Variants in DENND2A observed in about 807,000 individuals in gnomAD.
DENND2A encodes DENN domain containing 2A, also known as DENN domain-containing protein 2A.
DENND2A carries 53 observed loss-of-function variants against 105.3 expected under a neutral mutation model. The ratio of observed to expected loss-of-function variants is 0.50; its 90% CI spans 0.40 to 0.63. DENND2A has a LOEUF of 0.63. DENND2A is among the 30% of genes least tolerant of loss of function. The pLI, the probability that DENND2A is intolerant of heterozygous loss-of-function variation, is 0.00. For synonymous variants in DENND2A, 522 were observed against 508.4 expected (o/e 1.03, Z -0.36); for missense variants, 1,138 against 1,279.6 (o/e 0.89, Z 1.69).
chr7:140,538,640 G>A (rs1286872050), intron 14 of DENND2A, among the ~76,000 whole-genome samples: 3 of 151,874 alleles, frequency 2.0e-5, no homozygotes, highest in Non-Finnish European at 4.4e-5. Flanking sequence ...CTAAGTAGCT[G>A]GGATTACAGG....
intron 16 of DENND2A, among the ~76,000 whole-genome samples, chr7:140,524,156 C>G (rs1795961437): frequency 1.3e-5 from 2 of 152,122 alleles, no homozygotes; most frequent in South Asian, 4.1e-4. Context: ...GAAGGGCCTA[C>G]CCTGTGGGCC....
intron 11 of DENND2A, among the ~76,000 whole-genome samples, chr7:140,556,932 G>A (rs1215123392): frequency 6.6e-6 from 1 of 151,962 alleles, no homozygotes; most frequent in Non-Finnish European, 1.5e-5. Context: ...ATAAGTTTCT[G>A]ACTTTGAAAG....
At chr7:140,537,408 T>G (rs1796489037) in intron 14 of DENND2A, among the ~76,000 whole-genome samples, 1 of 152,346 alleles carries the variant, frequency 6.6e-6, no homozygotes, top group African/African-American at 2.4e-5. Context: ...TAGCTTATGG[T>G]TTAACGCACT....
At position 140,572,500 on chromosome 7, in the gene DENND2A, T is replaced by G. The variant is rs1798132934; in HGVS notation, c.1446+1308A>C. Among the ~76,000 whole-genome samples, 3 of 151,352 alleles carry G rather than the reference T, an allele frequency of 2.0e-5. No individual in the cohort carries two copies. In the South Asian group the frequency reaches 6.4e-4, roughly 32 times the overall value. On this transcript the variant is annotated intron_variant, in intron 6 of 19. Transcript: ENST00000496613. ...GTTCCTGGCTGGGCACGGTGGCTCA[T>G]GCCTGTAATCCCAGCACTTTGGGAG...
chr7:140,555,279 G>A lies in DENND2A; in HGVS notation c.2037+357C>T, dbSNP rs1401089053. ...TTCCTGAGTAGCTGGGGTTACAGGCGCCCGCCACCACGCCTGGCTAATTTT... is the reference window on the plus strand; with the variant it reads ...TTCCTGAGTAGCTGGGGTTACAGGCACCCGCCACCACGCCTGGCTAATTTT... On this transcript the variant is annotated intron_variant, in intron 12 of 19. Coordinates refer to ENST00000496613, the MANE Select transcript of DENND2A (RefSeq NM_015689.5). Among the ~76,000 whole-genome samples, 4 of 151,914 alleles carry A rather than the reference G, an allele frequency of 2.6e-5. No individual in the cohort carries two copies. The South Asian group carries it at 8.3e-4, about 32-fold the overall frequency.
chr7:140,624,455 G>A (rs1800429354), intron 1 of DENND2A, among the ~76,000 whole-genome samples: 1 of 152,206 alleles, frequency 6.6e-6, no homozygotes, highest in Non-Finnish European at 1.5e-5. Context: ...GGGAACAGGT[G>A]GGACGCCAGG....
rs764923867 is a variant in DENND2A at position 140,569,768 on chromosome 7, T to G, written c.1447-30A>C. The stretch of plus-strand genomic sequence containing the variant: ...CAGACACCAGGAGAAGAACAGCCAG[T>G]GTTAGCAGCCCACTCTCTGTGGCAG... On this transcript the variant is annotated intron_variant, in intron 6 of 19. Transcript: ENST00000496613. 5.6e-5 allele frequency: 83 copies of G among 1,491,722 alleles called. 1 individual carries two copies. The highest frequency in any genetic ancestry group is 3.5e-4 in the Middle Eastern group (2 of 5,716). The allele number at this position is 1,491,722 out of a possible 1,614,324, so 92.4% of individuals were successfully genotyped here.
At position 140,519,340 on chromosome 7, in the gene DENND2A, C is replaced by A. The variant is rs939666866; in HGVS notation, c.2998+292G>T. 3.9e-5 allele frequency among the ~76,000 whole-genome samples: 6 copies of A among 152,340 alleles called. 1 individual carries two copies. The South Asian group carries it at 1.0e-3, about 26-fold the overall frequency. ...ACGTCCTTGTCTGGTTCCCGCCATGCTCCCTCAGCTCAGTTCCTCTGAGAT... is the reference window on the plus strand; with the variant it reads ...ACGTCCTTGTCTGGTTCCCGCCATGATCCCTCAGCTCAGTTCCTCTGAGAT... On this transcript the variant is annotated intron_variant, in intron 19 of 19. Coordinates refer to ENST00000496613, the MANE Select transcript of DENND2A (RefSeq NM_015689.5).
At position 140,640,727 on chromosome 7, in the gene DENND2A, CCCCAGCGGCGCGCTTCCCTCGGCCGG is replaced by C. The variant is rs1419563491; in HGVS notation, c.-497_-472del. On this transcript the variant is annotated 5_prime_UTR_variant, in exon 1 of 20. Coordinates refer to ENST00000496613, the MANE Select transcript of DENND2A (RefSeq NM_015689.5). This position sits in a 1 kb window ranked among gnomAD's most constrained non-coding sequence, Gnocchi z 4.9. ...CCCGTGGGGTCCCCGCCGCCCCCGG[CCCCAGCGGCGCGCTTCCCTCGGCCGG>C]CCCAGCGCAGGCTCGCCCGCGGCCC... 3 of 146,070 alleles carry C rather than the reference CCCCAGCGGCGCGCTTCCCTCGGCCGG, an allele frequency of 2.1e-5. No individual in the cohort carries two copies. Among genetic ancestry groups the C allele is most frequent in the Non-Finnish European group, 4.5e-5 (3 of 66,244 alleles). 9.0% of individuals were successfully genotyped at this position (146,070 alleles called of 1,614,324 possible).
upstream of DENND2A, among the ~76,000 whole-genome samples, chr7:140,640,993 G>T (rs1801183822): frequency 6.7e-6 from 1 of 149,666 alleles, no homozygotes; most frequent in Admixed American, 6.6e-5. The surrounding 1 kb of genome is among the most constrained non-coding windows in gnomAD (Gnocchi z 4.9). Context: ...TGGGGGAGAG[G>T]TGGCTTAACC....
intron 13 of DENND2A, among the ~76,000 whole-genome samples, chr7:140,546,397 G>A (rs781276000): frequency 2.6e-5 from 4 of 152,124 alleles, no homozygotes; most frequent in African/African-American, 7.2e-5. Flanking sequence ...CAGCCTGGGC[G>A]ACAGTGCAAG....
chr7:140,591,327 G>A lies in DENND2A; in HGVS notation c.996-3547C>T, dbSNP rs113057709. 5.6e-4 allele frequency among the ~76,000 whole-genome samples: 85 copies of A among 152,232 alleles called. 3 individuals are homozygous for A. Among genetic ancestry groups the A allele is most frequent in the African/African-American group, 2.0e-3 (85 of 41,530 alleles). On this transcript the variant is annotated intron_variant, in intron 3 of 19. Coordinates refer to ENST00000496613, the MANE Select transcript of DENND2A (RefSeq NM_015689.5). The stretch of plus-strand genomic sequence containing the variant: ...AGACCCTGTTTCAAAATAAAAGATG[G>A]TTATTCACGTTGCAAAACTAATTTG...
At chr7:140,617,086 G>T (rs145484125) in intron 1 of DENND2A, among the ~76,000 whole-genome samples, 1 of 152,172 alleles carries the variant, frequency 6.6e-6, no homozygotes, top group Non-Finnish European at 1.5e-5. Context: ...TCGAACTCCC[G>T]ACCTCAGGTG....
chr7:140,525,343 T>TG (rs1257366649), intron 16 of DENND2A, among the ~76,000 whole-genome samples: 1 of 151,824 alleles, frequency 6.6e-6, no homozygotes, highest in African/African-American at 2.4e-5. Context: ...TTAATAGAGA[T>TG]GGGGTTTCAC....
chr7:140,635,831 C>T (rs191070055), intron 1 of DENND2A, among the ~76,000 whole-genome samples: 1 of 152,342 alleles, frequency 6.6e-6, no homozygotes, highest in East Asian at 1.9e-4. Context: ...AAGAACTTAA[C>T]TTCTAGGCAA....
At chr7:140,624,307 C>T (rs1169091959) in intron 1 of DENND2A, among the ~76,000 whole-genome samples, 2 of 152,166 alleles carry the variant, frequency 1.3e-5, no homozygotes, top group African/African-American at 4.8e-5. Flanking sequence ...GACAGTGCTT[C>T]TCAGAGGTCC....
At chr7:140,524,759 T>G (rs1307936381) in intron 16 of DENND2A, among the ~76,000 whole-genome samples, 1 of 151,832 alleles carries the variant, frequency 6.6e-6, no homozygotes, top group Non-Finnish European at 1.5e-5. Context: ...TTTAATTTTT[T>G]TATAGACACA....
intron 1 of DENND2A, among the ~76,000 whole-genome samples, chr7:140,621,184 A>G (rs1800277077): frequency 6.6e-6 from 1 of 151,998 alleles, no homozygotes; most frequent in African/African-American, 2.4e-5. Context: ...GTGAGCCACT[A>G]GGCTCAGCTA....
Position 140,523,483 on chromosome 7 carries a change from G to C in DENND2A, c.2548-59C>G, listed in dbSNP as rs1008669282. 3 of 1,470,594 alleles carry C rather than the reference G, an allele frequency of 2.0e-6. No homozygotes were observed. Among genetic ancestry groups the C allele is most frequent in the African/African-American group, 1.4e-5 (1 of 72,074 alleles). The allele number at this position is 1,470,594 out of a possible 1,614,324, so 91.1% of individuals were successfully genotyped here. A position where few individuals can be genotyped will look rare whatever the true frequency, so the allele number is the denominator to read the frequency against. On this transcript the variant is annotated intron_variant, in intron 16 of 19. Transcript: ENST00000496613. The surrounding 1 kb of genome is among the most constrained non-coding windows in gnomAD (Gnocchi z 4.5). ...CACGGTGGCTGCGTCTTGGCCATAG[G>C]ACACACTGGAGCCACTGCAGGGCAG...
Sources: gnomAD v4.1 joint callset for allele counts (sites outside exome capture counted in the v4.1 genomes callset) on GRCh38, gnomAD v4.1.1 for gene constraint, Gnocchi (gnomAD v3.1) non-coding constraint, MANE v1.5 for transcripts, NCBI Gene and HGNC (gene_info 2026-07-23, HGNC 2026-07-21) for gene names.